The following NEBL variants were observed in gnomAD, a reference collection of about 807,000 sequenced individuals.
NEBL encodes the protein nebulette.
NEBL carries 122 observed loss-of-function variants against 140.2 expected under a neutral mutation model. The ratio of observed to expected loss-of-function variants is 0.87; its 90% confidence interval spans 0.75 to 1.01. NEBL has a LOEUF of 1.01. Ranked by LOEUF, NEBL falls within the 50% of genes least tolerant of loss-of-function variation. NEBL has a pLI of 0.00. For synonymous variants in NEBL, 436 were observed against 398.9 expected (o/e 1.09, Z -1.11); for missense variants, 1,365 against 1,231.3 (o/e 1.11, Z -1.62).
At chr10:21,196,121 A>C (rs1017686160) in intron 3 of NEBL, among the ~76,000 whole-genome samples, 9 of 152,028 alleles carry the variant, frequency 5.9e-5, no homozygotes, top group African/African-American at 2.2e-4. Context: ...CTCCTGCCTC[A>C]GCCTCCTGAG....
chr10:21,160,678 C>A (rs1298049508), intron 2 of NEBL, among the ~76,000 whole-genome samples: 1 of 152,002 alleles, frequency 6.6e-6, no homozygotes, highest in Non-Finnish European at 1.5e-5. Flanking sequence ...AGCACTGATC[C>A]TACAGAGTTA....
intron 24 of NEBL, 37 bp downstream of exon 24, chr10:20,812,732 G>C: frequency 1.9e-6 from 3 of 1,611,238 alleles, no homozygotes; most frequent in Admixed American, 3.3e-5. Flanking sequence ...TGATCTTTTC[G>C]ACCACACACA....
intron 4 of NEBL, among the ~76,000 whole-genome samples, chr10:20,940,994 T>A (rs897984641): frequency 9.9e-5 from 15 of 152,184 alleles, no homozygotes; most frequent in Non-Finnish European, 2.2e-4. Context: ...CACAGCCGAA[T>A]TCTACCAGAG....
chr10:21,067,165 G>A (rs917659521), intron 2 of NEBL, among the ~76,000 whole-genome samples: 1 of 151,854 alleles, frequency 6.6e-6, no homozygotes, highest in Non-Finnish European at 1.5e-5. Context: ...TAGAGATGGG[G>A]TTTCACCGTG....
intron 11 of NEBL, among the ~76,000 whole-genome samples, chr10:20,848,749 T>C (rs888859737): frequency 1.3e-5 from 2 of 152,120 alleles, no homozygotes; most frequent in East Asian, 3.9e-4. Flanking sequence ...CGCCAGTCCA[T>C]GGAAAAATTG....
At chr10:21,058,064 A>C (rs1289921211) in intron 2 of NEBL, among the ~76,000 whole-genome samples, 1 of 152,194 alleles carries the variant, frequency 6.6e-6, no homozygotes, top group Non-Finnish European at 1.5e-5. Flanking sequence ...AGCCAGTTGC[A>C]ATCAGCTCAG....
At chr10:20,944,402 TAATAA>T (rs911202936) in intron 4 of NEBL, among the ~76,000 whole-genome samples, 1 of 151,968 alleles carries the variant, frequency 6.6e-6, no homozygotes, top group African/African-American at 2.4e-5. Context: ...CCCTGTCTCA[TAATAA>T]AATAAAATAA....
intron 2 of NEBL, among the ~76,000 whole-genome samples, chr10:21,249,928 G>A (rs1400214976): frequency 6.6e-6 from 1 of 152,010 alleles, no homozygotes; most frequent in Non-Finnish European, 1.5e-5. Context: ...ACTGGGTGTG[G>A]TGGTACACAC....
At chr10:21,188,696 G>A (rs1044779173) in intron 3 of NEBL, among the ~76,000 whole-genome samples, 1 of 151,480 alleles carries the variant, frequency 6.6e-6, no homozygotes, top group Non-Finnish European at 1.5e-5. Flanking sequence ...CGCCTCCCGG[G>A]TTCCAGCAAT....
chr10:21,244,043 A>T (rs1195497916), intron 3 of NEBL, among the ~76,000 whole-genome samples: 1 of 152,154 alleles, frequency 6.6e-6, no homozygotes, highest in Non-Finnish European at 1.5e-5. Context: ...TCAAGATGTG[A>T]TTTATTTTTA....
At chr10:21,037,799 A>T (rs898711881) in intron 2 of NEBL, among the ~76,000 whole-genome samples, 1 of 146,464 alleles carries the variant, frequency 6.8e-6, no homozygotes, top group Non-Finnish European at 1.5e-5. Flanking sequence ...AGGTCAAAAA[A>T]CACTCCCCTA....
chr10:21,124,062 T>A (rs1838706091), intron 2 of NEBL, among the ~76,000 whole-genome samples: 1 of 152,122 alleles, frequency 6.6e-6, no homozygotes, highest in Non-Finnish European at 1.5e-5. Context: ...CCTCTTGGTA[T>A]TTGTAGAATT....
chr10:21,080,520 T>C (rs959761530), intron 2 of NEBL, among the ~76,000 whole-genome samples: 1 of 152,254 alleles, frequency 6.6e-6, no homozygotes, highest in Non-Finnish European at 1.5e-5. Flanking sequence ...CTGTACAATA[T>C]GAAGTTAGCC....
intron 4 of NEBL, among the ~76,000 whole-genome samples, chr10:20,914,668 G>A (rs1220446761): frequency 1.3e-5 from 2 of 151,976 alleles, no homozygotes; most frequent in Admixed American, 1.3e-4. Flanking sequence ...TCCTCTTGTG[G>A]GTTTTGAATT....
At chr10:21,103,590 A>C (rs538503920) in intron 2 of NEBL, among the ~76,000 whole-genome samples, 4 of 152,312 alleles carry the variant, frequency 2.6e-5, no homozygotes, top group South Asian at 2.1e-4. Context: ...TATCTACTTA[A>C]TGACTAATGA....
chr10:20,996,251 G>T (rs562514081), intron 3 of NEBL, among the ~76,000 whole-genome samples: 1 of 152,200 alleles, frequency 6.6e-6, no homozygotes, highest in Admixed American at 6.5e-5. Context: ...TTTTCCCCAG[G>T]GGGTAGGGCA....
At chr10:20,880,099 G>C (rs185765623) in intron 5 of NEBL, among the ~76,000 whole-genome samples, 3 of 152,058 alleles carry the variant, frequency 2.0e-5, no homozygotes, top group Non-Finnish European at 4.4e-5. Flanking sequence ...ACGGTGGCTC[G>C]TGCCTGTAAT....
chr10:20,968,813 T>C (rs1158592282), intron 3 of NEBL, among the ~76,000 whole-genome samples: 1 of 152,246 alleles, frequency 6.6e-6, no homozygotes, highest in Non-Finnish European at 1.5e-5. Context: ...ATACTCCACA[T>C]TTCTTTAAAG....
chr10:20,828,734 G>T, intron 16 of NEBL, 100 bp from the exon 17 acceptor site: 1 of 765,112 alleles, frequency 1.3e-6, no homozygotes, highest in Non-Finnish European at 2.2e-6. Flanking sequence ...GAGAGAGAGA[G>T]TAAAAAACTG....
Sources: gnomAD v4.1 joint callset for allele counts (sites outside exome capture counted in the v4.1 genomes callset) on GRCh38, gnomAD v4.1.1 for gene constraint, MANE v1.5 for transcripts, NCBI Gene and HGNC (gene_info 2026-07-23, HGNC 2026-07-21) for gene names.